The following ZNF138 variants were observed in gnomAD, a reference collection of about 807,000 sequenced individuals.
ZNF138 encodes the protein zinc finger protein 138 (clone pHZ-32).
Under a neutral mutation model 33.0 loss-of-function variants are expected in ZNF138, and 33 were observed. That is an observed-to-expected ratio of 1.00 (90% confidence interval 0.76 to 1.34). ZNF138 has a LOEUF of 1.34. Among genes scored for constraint, ZNF138 ranks in the 40% most tolerant of loss-of-function variants. The pLI is 0.00. For missense variants in ZNF138, 360 were observed against 370.8 expected, an observed-to-expected ratio of 0.97 and a Z score of 0.24; for synonymous variants, 139 against 120.4, an observed-to-expected ratio of 1.15 and a Z score of -1.01.
At chr7:64,839,333 C>T in the ZNF138 span, among the ~76,000 whole-genome samples, 2 of 152,316 alleles carry the variant, frequency 1.3e-5, no homozygotes, top group East Asian at 3.9e-4. Flanking sequence ...TGATTTTGGA[C>T]TGGGTGGACC....
At chr7:64,815,715 C>G (rs1214898484) in intron 3 of ZNF138, 62 bp downstream of exon 3, 1 of 1,403,844 alleles carries the variant, frequency 7.1e-7, no homozygotes, top group East Asian at 2.4e-5. Context: ...GAGAAGACCA[C>G]TCCTTTAAAT....
chr7:64,794,432 CG>C lies in ZNF138; in HGVS notation c.-136del, dbSNP rs1389745541. On this transcript the variant is annotated 5_prime_UTR_variant, in exon 1 of 4. Coordinates refer to ENST00000307355, the MANE Select transcript of ZNF138 (RefSeq NM_001271639.2). ...CCGGGAGGCGGCGGGGTCTTTGTCTCGCTGCAGCGGGTGCTGCAGGTCTGGC... is the reference window on the plus strand; with the variant it reads ...CCGGGAGGCGGCGGGGTCTTTGTCTCCTGCAGCGGGTGCTGCAGGTCTGGC... 2.3e-6 allele frequency: 3 copies of C among 1,328,656 alleles called. No individual in the cohort carries two copies. Among genetic ancestry groups the C allele is most frequent in the Non-Finnish European group, 3.2e-6 (3 of 940,640 alleles). 82.3% of individuals were successfully genotyped at this position (1,328,656 alleles called of 1,614,324 possible). A position where few individuals can be genotyped will look rare whatever the true frequency, so the allele number is the denominator to read the frequency against.
chr7:64,811,688 C>G (rs1194117381), intron 1 of ZNF138, among the ~76,000 whole-genome samples: 1 of 152,122 alleles, frequency 6.6e-6, no homozygotes, highest in Non-Finnish European at 1.5e-5. Context: ...AAAGAGCCAG[C>G]AAAAAATATG....
At chr7:64,808,712 T>C (rs1198519062) in intron 1 of ZNF138, among the ~76,000 whole-genome samples, 1 of 146,194 alleles carries the variant, frequency 6.8e-6, no homozygotes, top group Non-Finnish European at 1.5e-5. Context: ...CAAAGGTCTC[T>C]GGTTTTCCTA....
intron 2 of ZNF138, 67 bp from the exon 3 acceptor site, chr7:64,815,509 T>C: frequency 1.4e-6 from 2 of 1,437,828 alleles, no homozygotes. Flanking sequence ...GGTTGGTAAT[T>C]GGAGAATATG....
At chr7:64,852,442 T>C in the ZNF138 span, 1 of 1,578,458 alleles carries the variant, frequency 6.3e-7, no homozygotes. Context: ...TGGCCACTTG[T>C]GGTGCAATCT....
At chr7:64,809,838 G>A (rs1157818189) in intron 1 of ZNF138, among the ~76,000 whole-genome samples, 4 of 120,560 alleles carry the variant, frequency 3.3e-5, no homozygotes, top group South Asian at 3.3e-4. Context: ...GGGCAGAGGC[G>A]CTCCCCACAT....
chr7:64,849,245 C>G, the ZNF138 span, among the ~76,000 whole-genome samples: 2 of 152,284 alleles, frequency 1.3e-5, no homozygotes, highest in South Asian at 4.1e-4. Flanking sequence ...CTAGGCAGGT[C>G]TCCAGGCTGG....
chr7:64,831,754 A>G lies in ZNF138; in HGVS notation c.512A>G (p.Glu171Gly). The G allele has an allele frequency of 6.2e-7, 1 of 1,613,770 alleles. No homozygotes were observed. The highest frequency in any genetic ancestry group is 8.5e-7 in the Non-Finnish European group (1 of 1,179,904). Residue 171 changes from glutamate (E) to glycine (G), a missense_variant, in exon 4 of 4, where the codon GAA becomes GGA. Physicochemically the swap from Glu to Gly is moderately conservative, Grantham distance 98. Coordinates refer to ENST00000307355, the MANE Select transcript of ZNF138 (RefSeq NM_001271639.2). The part of the protein sequence containing the change: ...HTENKHFRCK[E>G]CDKSLCMLSR... Reference sequence around the variant, plus strand: ...GAAAATAAACATTTCAGATGTAAAGAATGTGACAAATCACTTTGCATGCTT... The same window carrying G: ...GAAAATAAACATTTCAGATGTAAAGGATGTGACAAATCACTTTGCATGCTT...
At chr7:64,797,804 G>A (rs1025005227) in intron 1 of ZNF138, among the ~76,000 whole-genome samples, 3 of 152,200 alleles carry the variant, frequency 2.0e-5, no homozygotes, top group African/African-American at 7.2e-5. Context: ...ACAGAAGGAA[G>A]TACCAACTAT....
At chr7:64,852,788 G>C in the ZNF138 span, 2 of 836,934 alleles carry the variant, frequency 2.4e-6, no homozygotes, top group East Asian at 4.8e-5. Flanking sequence ...CCCTGGTACT[G>C]CATTGTCTGG....
At chr7:64,844,540 G>A in the ZNF138 span, among the ~76,000 whole-genome samples, 3 of 152,050 alleles carry the variant, frequency 2.0e-5, no homozygotes, top group South Asian at 2.1e-4. Context: ...TTCTGCATCC[G>A]CAAAATGAGA....
chr7:64,832,275 A>AACCAGTTTTCAACCCTT lies in ZNF138; in HGVS notation c.*75_*91dup. ...ATGTGAAGAATGTGGCAAAGCCTTT[A>AACCAGTTTTCAACCCTT]ACCAGTTTTCAACCCTTATTACACA... On this transcript the variant is annotated 3_prime_UTR_variant, in exon 4 of 4. Transcript: ENST00000307355. The AACCAGTTTTCAACCCTT allele has an allele frequency of 6.3e-7, 1 of 1,598,492 alleles. No homozygotes were observed. Among genetic ancestry groups the AACCAGTTTTCAACCCTT allele is most frequent in the South Asian group, 1.1e-5 (1 of 88,740 alleles).
the ZNF138 span, among the ~76,000 whole-genome samples, chr7:64,842,317 CT>C: frequency 5.3e-5 from 3 of 56,136 alleles, no homozygotes; most frequent in Non-Finnish European, 1.6e-4. Flanking sequence ...CCTCCTCTGC[CT>C]CCCAAAGTGC....
chr7:64,852,406 C>T, the ZNF138 span: 2 of 1,544,220 alleles, frequency 1.3e-6, no homozygotes, highest in South Asian at 2.3e-5. Context: ...AAGAGGTGGC[C>T]CCGGGTGTGG....
chr7:64,847,348 T>TC, the ZNF138 span, among the ~76,000 whole-genome samples: 1 of 135,322 alleles, frequency 7.4e-6, no homozygotes, highest in Non-Finnish European at 1.6e-5. Context: ...TTTTTTTTTT[T>TC]CTGCAGTTCT....
the ZNF138 span, among the ~76,000 whole-genome samples, chr7:64,854,747 T>G: frequency 9.9e-5 from 15 of 152,192 alleles, no homozygotes; most frequent in South Asian, 8.3e-4. Context: ...TAGACTTCGG[T>G]CTATCGTTAA....
intron 3 of ZNF138, among the ~76,000 whole-genome samples, chr7:64,829,909 T>C (rs1789941312): frequency 6.6e-6 from 1 of 152,108 alleles, no homozygotes; most frequent in South Asian, 2.1e-4. Flanking sequence ...TTGCATTGTG[T>C]CATTTTTAGT....
chr7:64,828,610 A>G (rs1238209499), intron 3 of ZNF138, among the ~76,000 whole-genome samples: 1 of 152,152 alleles, frequency 6.6e-6, no homozygotes, highest in Non-Finnish European at 1.5e-5. Flanking sequence ...TTCTGCAAAA[A>G]TTATGAGTAT....
Sources: allele counts gnomAD v4.1 joint callset (sites outside exome capture counted in the v4.1 genomes callset), GRCh38; gene constraint gnomAD v4.1.1; transcripts MANE v1.5; gene names NCBI Gene and HGNC (gene_info 2026-07-23, HGNC 2026-07-21).